The following FSHR variants were observed in gnomAD, a reference collection of about 807,000 sequenced individuals.
The protein encoded by FSHR is follicle stimulating hormone receptor, also known as follicle-stimulating hormone receptor.
A neutral mutation model predicts 52.1 loss-of-function variants in FSHR; 46 were observed. The observed-to-expected ratio is 0.88, with a 90% CI of 0.70 to 1.13. The LOEUF is 1.13. Among genes scored for constraint, FSHR ranks in the 50% most tolerant of loss-of-function variants. The probability of loss-of-function intolerance (pLI) is 0.00; values close to 1 mark genes in which losing one functional copy is unlikely to be tolerated. For synonymous variants in FSHR, 399 were observed against 309.6 expected, an observed-to-expected ratio of 1.29 and a Z score of -3.03; for missense variants, 964 against 834.6, an observed-to-expected ratio of 1.16 and a Z score of -1.91.
intron 8 of FSHR, among the ~76,000 whole-genome samples, chr2:48,979,944 T>C (rs181772631): frequency 6.6e-6 from 1 of 152,288 alleles, no homozygotes; most frequent in East Asian, 1.9e-4. Context: ...ACTCATCACC[T>C]GAGGTGGGCT....
At chr2:48,989,913 A>G (rs1304992972) in intron 5 of FSHR, among the ~76,000 whole-genome samples, 2 of 152,130 alleles carry the variant, frequency 1.3e-5, no homozygotes, top group Non-Finnish European at 2.9e-5. Flanking sequence ...AGTGTAGTAA[A>G]CAGCTTGGAA....
intron 1 of FSHR, among the ~76,000 whole-genome samples, chr2:49,083,901 C>T (rs1474547839): frequency 1.3e-5 from 2 of 151,334 alleles, no homozygotes; most frequent in Non-Finnish European, 2.9e-5. Context: ...TAATGGGAGA[C>T]TTTAACATCC....
intron 1 of FSHR, among the ~76,000 whole-genome samples, chr2:49,118,584 A>G (rs968887035): frequency 1.1e-4 from 17 of 152,240 alleles, no homozygotes; most frequent in African/African-American, 3.9e-4. Context: ...CTGCTGAAAT[A>G]GTTGCATAAG....
At chr2:49,136,117 A>G (rs1430159355) in intron 1 of FSHR, among the ~76,000 whole-genome samples, 1 of 152,166 alleles carries the variant, frequency 6.6e-6, no homozygotes, top group Admixed American at 6.5e-5. Flanking sequence ...GACAAACTTT[A>G]GATAGAATGA....
chr2:48,992,292 C>T (rs186518715), intron 4 of FSHR, among the ~76,000 whole-genome samples: 11 of 152,258 alleles, frequency 7.2e-5, no homozygotes, highest in Non-Finnish European at 1.3e-4. Flanking sequence ...AGAACAGTGC[C>T]GTCACTTTCT....
intron 2 of FSHR, among the ~76,000 whole-genome samples, chr2:49,061,619 T>G (rs950466749): frequency 7.5e-5 from 7 of 92,854 alleles, no homozygotes; most frequent in African/African-American, 2.8e-4. Context: ...TTTAGATATA[T>G]AAAAATACAT....
chr2:49,147,872 G>A lies in FSHR; in HGVS notation c.152+6394C>T, dbSNP rs373701879. 3.4e-4 allele frequency among the ~76,000 whole-genome samples: 51 copies of A among 152,038 alleles called. 1 individual carries two copies. In the South Asian group the frequency reaches 9.8e-3, roughly 29 times the overall value. Reference sequence around the variant, plus strand: ...AAGAGAAAGGATTATGTATATATTAGTGTGAACGCTGTGCTGTTTGTTTCT... The same window carrying A: ...AAGAGAAAGGATTATGTATATATTAATGTGAACGCTGTGCTGTTTGTTTCT... On this transcript the variant is annotated intron_variant, in intron 1 of 9. Coordinates refer to ENST00000406846, the MANE Select transcript of FSHR (RefSeq NM_000145.4).
chr2:49,062,443 T>A (rs539559622), intron 2 of FSHR, among the ~76,000 whole-genome samples: 1 of 152,190 alleles, frequency 6.6e-6, no homozygotes, highest in South Asian at 2.1e-4. Context: ...AAATGTAAGA[T>A]CTGAAACTAT....
intron 1 of FSHR, among the ~76,000 whole-genome samples, chr2:49,097,509 A>T (rs1670871113): frequency 6.6e-6 from 1 of 152,214 alleles, no homozygotes; most frequent in African/African-American, 2.4e-5. Context: ...AGGAGAACAT[A>T]ATTTATCTTG....
chr2:49,085,890 C>T (rs62162101), intron 1 of FSHR, among the ~76,000 whole-genome samples: 21,760 of 150,852 alleles, frequency 0.14, 1,598 homozygotes, highest in Middle Eastern at 0.21. Context: ...CGCGTGTTCT[C>T]GCTCATAGGT....
intron 1 of FSHR, among the ~76,000 whole-genome samples, chr2:49,080,391 A>C (rs527521519): frequency 2.0e-5 from 3 of 152,338 alleles, no homozygotes; most frequent in East Asian, 3.9e-4. Flanking sequence ...CAAAACATTA[A>C]TTACGGAAGC....
chr2:49,089,820 A>G (rs760206832), intron 1 of FSHR, among the ~76,000 whole-genome samples: 17 of 152,192 alleles, frequency 1.1e-4, no homozygotes, highest in Non-Finnish European at 2.4e-4. Flanking sequence ...CTGAAAAATG[A>G]TAGTGGAGAG....
At chr2:49,145,454 C>A (rs1008881427) in intron 1 of FSHR, among the ~76,000 whole-genome samples, 2 of 151,928 alleles carry the variant, frequency 1.3e-5, no homozygotes, top group Admixed American at 6.6e-5. Flanking sequence ...TGAAATCATC[C>A]CACGGTGGTC....
chr2:49,072,361 G>A (rs1669768515), intron 1 of FSHR, among the ~76,000 whole-genome samples: 1 of 152,062 alleles, frequency 6.6e-6, no homozygotes, highest in South Asian at 2.1e-4. Flanking sequence ...AAACTCATTG[G>A]ATATAGGTAA....
chr2:49,087,549 G>A (rs1262553158), intron 1 of FSHR, among the ~76,000 whole-genome samples: 1 of 152,144 alleles, frequency 6.6e-6, no homozygotes, highest in Non-Finnish European at 1.5e-5. Flanking sequence ...AGAGAAATAG[G>A]CAATCAGAAA....
At chr2:49,016,902 G>T (rs747739252) in intron 4 of FSHR, among the ~76,000 whole-genome samples, 3 of 152,134 alleles carry the variant, frequency 2.0e-5, no homozygotes, top group Non-Finnish European at 4.4e-5. Context: ...GTTATTTTGT[G>T]GGGTCCCATT....
intron 9 of FSHR, among the ~76,000 whole-genome samples, chr2:48,965,402 A>G: frequency 6.6e-6 from 1 of 152,160 alleles, no homozygotes; most frequent in African/African-American, 2.4e-5. Flanking sequence ...TAAATGATTA[A>G]CATACACAGA....
intron 1 of FSHR, among the ~76,000 whole-genome samples, chr2:49,086,412 G>A (rs1670393799): frequency 6.6e-6 from 1 of 152,174 alleles, no homozygotes; most frequent in African/African-American, 2.4e-5. Context: ...AATGGCATAA[G>A]TTGTCAGTGA....
chr2:49,023,299 C>G (rs1229442650), intron 2 of FSHR, among the ~76,000 whole-genome samples: 4 of 152,072 alleles, frequency 2.6e-5, no homozygotes, highest in African/African-American at 9.7e-5. Flanking sequence ...TTTTGTATCT[C>G]TAGCATCTAG....
Sources: allele counts gnomAD v4.1 joint callset (sites outside exome capture counted in the v4.1 genomes callset), GRCh38; gene constraint gnomAD v4.1.1; transcripts MANE v1.5; gene names NCBI Gene and HGNC (gene_info 2026-07-23, HGNC 2026-07-21).